The following C8orf34 variants were observed in gnomAD, a reference collection of about 807,000 sequenced individuals.
C8orf34 encodes chromosome 8 open reading frame 34.
Under a neutral mutation model 68.3 loss-of-function variants are expected in C8orf34, and 65 were observed. That is an observed-to-expected ratio of 0.95 (90% CI 0.78 to 1.17). The LOEUF (loss-of-function observed/expected upper bound fraction) is 1.17. Ranked by LOEUF, C8orf34 falls within the 50% of genes most tolerant of loss-of-function variation. C8orf34 has a pLI of 0.00. For missense variants in C8orf34, 664 were observed against 655.4 expected (o/e 1.01, Z -0.14); for synonymous variants, 244 against 241.2 (o/e 1.01, Z -0.11).
intron 8 of C8orf34, among the ~76,000 whole-genome samples, chr8:68,698,333 T>A (rs1190298301): frequency 6.6e-6 from 1 of 152,078 alleles, no homozygotes; most frequent in African/African-American, 2.4e-5. Flanking sequence ...TTCTAAATCT[T>A]ATCAAAAGGA....
chr8:68,789,849 T>C (rs891572021), intron 12 of C8orf34, among the ~76,000 whole-genome samples: 16 of 152,198 alleles, frequency 1.1e-4, no homozygotes, highest in Admixed American at 3.9e-4. Context: ...AATATTGGAT[T>C]TATAGTTTAT....
intron 2 of C8orf34, among the ~76,000 whole-genome samples, chr8:68,445,230 G>A (rs1321630999): frequency 6.6e-6 from 1 of 152,166 alleles, no homozygotes; most frequent in African/African-American, 2.4e-5. Flanking sequence ...ATCCATTAAT[G>A]TGTAATGGTG....
chr8:68,587,271 C>A (rs1465507698), intron 7 of C8orf34, among the ~76,000 whole-genome samples: 1 of 152,080 alleles, frequency 6.6e-6, no homozygotes, highest in East Asian at 1.9e-4. Context: ...TATTTAGGCA[C>A]TAAATAATGG....
At chr8:68,724,624 C>T (rs1404342918) in intron 10 of C8orf34, among the ~76,000 whole-genome samples, 1 of 152,170 alleles carries the variant, frequency 6.6e-6, no homozygotes, top group African/African-American at 2.4e-5. Flanking sequence ...TCCCTCTCTG[C>T]TCTCTCTTTT....
intron 8 of C8orf34, among the ~76,000 whole-genome samples, chr8:68,647,291 G>A (rs1819205357): frequency 6.6e-6 from 1 of 152,078 alleles, no homozygotes; most frequent in African/African-American, 2.4e-5. Flanking sequence ...AGATGAAAGA[G>A]GAAAGATAAC....
intron 3 of C8orf34, among the ~76,000 whole-genome samples, chr8:68,453,932 A>C (rs1372399409): frequency 6.6e-6 from 1 of 151,952 alleles, no homozygotes. Flanking sequence ...GCCTTTTATC[A>C]TGTTGAGAAA....
chr8:68,748,679 A>T (rs1381284042), intron 10 of C8orf34, among the ~76,000 whole-genome samples: 1 of 151,738 alleles, frequency 6.6e-6, no homozygotes, highest in Non-Finnish European at 1.5e-5. Context: ...AATCAAAACC[A>T]CAATGAGATA....
intron 5 of C8orf34, among the ~76,000 whole-genome samples, chr8:68,507,208 T>G (rs557608577): frequency 1.3e-5 from 2 of 152,364 alleles, no homozygotes; most frequent in East Asian, 3.9e-4. Flanking sequence ...AAATTTGCTA[T>G]CTGTTTTAAA....
At chr8:68,724,173 T>C (rs1021434785) in intron 10 of C8orf34, among the ~76,000 whole-genome samples, 4 of 152,180 alleles carry the variant, frequency 2.6e-5, no homozygotes, top group Middle Eastern at 3.2e-3. Context: ...ATTTTAGATA[T>C]AGAGTTTCTA....
At position 68,677,359 on chromosome 8, in the gene C8orf34, C is replaced by CT. The variant is rs1338196384; in HGVS notation, c.1242-31626dup. On this transcript the variant is annotated intron_variant, in intron 8 of 13. Coordinates refer to ENST00000518698, the MANE Select transcript of C8orf34 (RefSeq NM_052958.4). ...TCAAATAAACAACCTAATGATGCAT[C>CT]TTTTTTTTTCTTTTTTTAAGACAGG... Among the ~76,000 whole-genome samples the CT allele has an allele frequency of 8.6e-5, 13 of 151,098 alleles. No homozygotes were observed. The South Asian group carries it at 1.3e-3, about 15-fold the overall frequency.
chr8:68,515,166 G>C (rs962360946), intron 5 of C8orf34, among the ~76,000 whole-genome samples: 1 of 151,872 alleles, frequency 6.6e-6, no homozygotes. Flanking sequence ...ATTTTTGTCA[G>C]TCATACGATT....
intron 12 of C8orf34, among the ~76,000 whole-genome samples, chr8:68,788,402 G>A (rs1489041379): frequency 6.6e-6 from 1 of 152,142 alleles, no homozygotes; most frequent in African/African-American, 2.4e-5. Context: ...CCATACTGTG[G>A]GTTTATGTGG....
intron 7 of C8orf34, chr8:68,534,399 G>C (rs1388782591): frequency 2.2e-6 from 2 of 900,460 alleles, no homozygotes; most frequent in Non-Finnish European, 2.7e-6. Context: ...ACTTGGCTGG[G>C]GTCTGGGAAC....
At chr8:68,531,676 A>C (rs1815252329) in intron 6 of C8orf34, among the ~76,000 whole-genome samples, 1 of 152,078 alleles carries the variant, frequency 6.6e-6, no homozygotes. Flanking sequence ...TTTCTAATTA[A>C]CAAGTCGTGT....
intron 3 of C8orf34, chr8:68,446,909 C>G (rs944902708): frequency 6.3e-6 from 1 of 158,938 alleles, no homozygotes; most frequent in African/African-American, 2.4e-5. Flanking sequence ...AAGTCCTACT[C>G]ATTAATTTGT....
intron 4 of C8orf34, among the ~76,000 whole-genome samples, chr8:68,471,658 A>C (rs890393955): frequency 1.3e-5 from 2 of 152,114 alleles, no homozygotes; most frequent in African/African-American, 4.8e-5. Flanking sequence ...AGGTACCTTC[A>C]TAAGGAATAT....
At chr8:68,398,969 C>T (rs2591010) in intron 1 of C8orf34, among the ~76,000 whole-genome samples, 14,027 of 152,082 alleles carry the variant, frequency 0.092, 710 homozygotes, top group Middle Eastern at 0.12. Flanking sequence ...ATTTAATACT[C>T]TGCTGTTATT....
rs180951630 is a variant in C8orf34 at position 68,677,314 on chromosome 8, A to G, written c.1242-31680A>G. On this transcript the variant is annotated intron_variant, in intron 8 of 13. Coordinates refer to ENST00000518698, the MANE Select transcript of C8orf34 (RefSeq NM_052958.4). ...GAAGTTTATAGCTATAAGCACCTACATCAAAAAAGTAGAAAAACTTCAAAT... is the reference window on the plus strand; with the variant it reads ...GAAGTTTATAGCTATAAGCACCTACGTCAAAAAAGTAGAAAAACTTCAAAT... 7.6e-4 allele frequency among the ~76,000 whole-genome samples: 115 copies of G among 152,308 alleles called. No individual in the cohort carries two copies. In the Middle Eastern group the frequency reaches 0.01, roughly 14 times the overall value.
intron 7 of C8orf34, among the ~76,000 whole-genome samples, chr8:68,547,888 T>C (rs1416741080): frequency 6.6e-6 from 1 of 151,288 alleles, no homozygotes; most frequent in Non-Finnish European, 1.5e-5. Flanking sequence ...AGTCCAGAAA[T>C]AGATCCACAC....
Sources: gnomAD v4.1 joint callset for allele counts (sites outside exome capture counted in the v4.1 genomes callset) on GRCh38, gnomAD v4.1.1 for gene constraint, MANE v1.5 for transcripts, NCBI Gene and HGNC (gene_info 2026-07-23, HGNC 2026-07-21) for gene names.